Variants in RAD54B observed in about 807,000 individuals in gnomAD.
RAD54B encodes the protein RAD54 homolog B.
Under a neutral mutation model 95.8 loss-of-function variants are expected in RAD54B, and 78 were observed. The ratio of observed to expected loss-of-function variants is 0.81; its 90% CI spans 0.68 to 0.98. RAD54B has a LOEUF of 0.98. Among genes scored for constraint, RAD54B ranks in the 50% least tolerant of loss-of-function variants. RAD54B has a pLI of 0.00. For synonymous variants in RAD54B, 328 were observed against 354.9 expected, an observed-to-expected ratio of 0.92 and a Z score of 0.85; for missense variants, 957 against 1,056.6, an observed-to-expected ratio of 0.91 and a Z score of 1.31.
chr8:94,451,015 TTATAGATAAA>T (rs1388799926), intron 3 of RAD54B, among the ~76,000 whole-genome samples: 1 of 152,110 alleles, frequency 6.6e-6, no homozygotes, highest in Non-Finnish European at 1.5e-5. Flanking sequence ...TTTTTAATAT[TTATAGATAAA>T]TATAGATGTA....
chr8:94,393,338 T>TA (rs1417705475), intron 9 of RAD54B: 2 of 164,684 alleles, frequency 1.2e-5, no homozygotes, highest in Non-Finnish European at 2.6e-5. Flanking sequence ...GGGGAGGTGG[T>TA]ATACACCTGC....
chr8:94,395,198 C>T (rs1361773810), intron 8 of RAD54B, among the ~76,000 whole-genome samples: 1 of 152,088 alleles, frequency 6.6e-6, no homozygotes, highest in African/African-American at 2.4e-5. Flanking sequence ...GACTGACATA[C>T]TCAAGGGTTC....
intron 2 of RAD54B, among the ~76,000 whole-genome samples, chr8:94,464,380 G>A (rs887570418): frequency 6.6e-6 from 1 of 152,074 alleles, no homozygotes; most frequent in South Asian, 2.1e-4. Flanking sequence ...GAAAGCCAGG[G>A]AACAGATTTC....
chr8:94,473,990 T>C (rs938141739), intron 1 of RAD54B, among the ~76,000 whole-genome samples: 1 of 152,168 alleles, frequency 6.6e-6, no homozygotes, highest in African/African-American at 2.4e-5. Flanking sequence ...AACTGTAGAT[T>C]AAGGTAAGTG....
chr8:94,397,349 C>T (rs905017799), intron 8 of RAD54B, among the ~76,000 whole-genome samples: 11 of 152,084 alleles, frequency 7.2e-5, no homozygotes, highest in African/African-American at 2.7e-4. Flanking sequence ...CAGAAACCAA[C>T]TATGAGTATT....
At chr8:94,374,371 C>CT (rs35632352) in intron 14 of RAD54B, among the ~76,000 whole-genome samples, 2,228 of 151,730 alleles carry the variant, frequency 0.015, 48 homozygotes, top group African/African-American at 0.05. Context: ...AAACCTCTGG[C>CT]TAACCAAGAG....
rs567645810 is a variant in RAD54B, at chr8:94,400,074, G to C, written c.1170+164C>G. On this transcript the variant is annotated intron_variant, in intron 7 of 14. Transcript: ENST00000336148. Reference sequence around the variant, plus strand: ...AGTTAGGGTTTCAACATATGAATCTGGGGGACACAAACATTCAGTCCATAA... The same window carrying C: ...AGTTAGGGTTTCAACATATGAATCTCGGGGACACAAACATTCAGTCCATAA... 1.3e-3 allele frequency among the ~76,000 whole-genome samples: 204 copies of C among 152,208 alleles called. 2 individuals carry two copies. Among genetic ancestry groups the C allele is most frequent in the African/African-American group, 4.8e-3 (198 of 41,534 alleles).
chr8:94,436,460 C>T, intron 3 of RAD54B: 3 of 1,494,840 alleles, frequency 2.0e-6, no homozygotes, highest in Non-Finnish European at 2.7e-6. Flanking sequence ...TAGGAGGCGC[C>T]ATAATTTTCC....
At chr8:94,433,443 A>G (rs1812169957) in intron 3 of RAD54B, among the ~76,000 whole-genome samples, 1 of 151,668 alleles carries the variant, frequency 6.6e-6, no homozygotes, top group South Asian at 2.1e-4. Context: ...TGAATGACTG[A>G]AAAAAAACAA....
chr8:94,417,678 A>G (rs2960121), intron 3 of RAD54B, among the ~76,000 whole-genome samples: 36,756 of 151,926 alleles, frequency 0.24, 5,482 homozygotes, highest in East Asian at 0.43. Flanking sequence ...AAGAAGAAGA[A>G]GAAGAAAGAA....
At chr8:94,457,546 G>GCA (rs1812805449) in intron 3 of RAD54B, among the ~76,000 whole-genome samples, 1 of 152,148 alleles carries the variant, frequency 6.6e-6, no homozygotes, top group South Asian at 2.1e-4. Flanking sequence ...GGTGCTTAGG[G>GCA]CACTTTGTTG....
chr8:94,373,978 T>A (rs1810502962), intron 14 of RAD54B, among the ~76,000 whole-genome samples: 1 of 152,120 alleles, frequency 6.6e-6, no homozygotes, highest in Non-Finnish European at 1.5e-5. Context: ...TCATTGAGGT[T>A]TTAAGAAAAG....
At chr8:94,474,201 G>C (rs1013147473) in intron 1 of RAD54B, among the ~76,000 whole-genome samples, 1 of 152,190 alleles carries the variant, frequency 6.6e-6, no homozygotes, top group Non-Finnish European at 1.5e-5. Flanking sequence ...ACAATAGACA[G>C]TGGAGACAAC....
intron 6 of RAD54B, among the ~76,000 whole-genome samples, chr8:94,401,182 T>C (rs1482217900): frequency 6.6e-6 from 1 of 152,170 alleles, no homozygotes; most frequent in Non-Finnish European, 1.5e-5. Context: ...AGTTGACCAC[T>C]GAACAAGAAG....
intron 3 of RAD54B, among the ~76,000 whole-genome samples, chr8:94,411,761 TGATA>T (rs1019943632): frequency 4.7e-4 from 23 of 49,090 alleles, no homozygotes; most frequent in African/African-American, 8.4e-4. Flanking sequence ...TTTATTTAAT[TGATA>T]AACAAAAATT....
chr8:94,399,669 G>T (rs749265056), intron 7 of RAD54B, 48 bp from the exon 8 acceptor site: 1 of 1,528,794 alleles, frequency 6.5e-7, no homozygotes. Context: ...GAAACTATAT[G>T]AAATCAAATT....
At chr8:94,375,481 G>A (rs1331744367) in intron 14 of RAD54B, among the ~76,000 whole-genome samples, 1 of 152,198 alleles carries the variant, frequency 6.6e-6, no homozygotes, top group Non-Finnish European at 1.5e-5. Flanking sequence ...ATCCATGTAA[G>A]ATCTGATTTG....
intron 1 of RAD54B, among the ~76,000 whole-genome samples, chr8:94,473,310 C>A (rs1425804713): frequency 6.6e-6 from 1 of 152,170 alleles, no homozygotes; most frequent in African/African-American, 2.4e-5. Flanking sequence ...CTGTAATACA[C>A]CAGATAGCCA....
At chr8:94,390,219 G>T (rs946200794) in intron 10 of RAD54B, among the ~76,000 whole-genome samples, 1 of 151,666 alleles carries the variant, frequency 6.6e-6, no homozygotes, top group Non-Finnish European at 1.5e-5. Flanking sequence ...AATAAAAAGG[G>T]CCAGGTGCGG....
Sources: allele counts gnomAD v4.1 joint callset (sites outside exome capture counted in the v4.1 genomes callset), GRCh38; gene constraint gnomAD v4.1.1; transcripts MANE v1.5; gene names NCBI Gene and HGNC (gene_info 2026-07-23, HGNC 2026-07-21).